Variants in NWD2 observed in about 807,000 individuals in gnomAD.
NWD2 encodes NACHT and WD repeat domain-containing protein 2.
NWD2 carries 37 observed loss-of-function variants against 132.7 expected under a neutral mutation model. That is an observed-to-expected ratio of 0.28 (90% confidence interval 0.21 to 0.37). The LOEUF (loss-of-function observed/expected upper bound fraction) is 0.37, where lower values mean the gene tolerates loss of function less well. NWD2 is among the 10% of genes least tolerant of loss of function. The pLI is 1.00. For synonymous variants in NWD2, 705 were observed against 803.0 expected, an observed-to-expected ratio of 0.88 and a Z score of 2.06; for missense variants, 1,592 against 2,122.4, an observed-to-expected ratio of 0.75 and a Z score of 4.91.
chr4:37,367,467 A>G (rs1169280975), intron 3 of NWD2, among the ~76,000 whole-genome samples: 1 of 152,204 alleles, frequency 6.6e-6, no homozygotes, highest in African/African-American at 2.4e-5. Context: ...AGGATAGAAA[A>G]AAAAGGAGAA....
chr4:37,335,859 C>T (rs1314456205), intron 2 of NWD2, among the ~76,000 whole-genome samples: 1 of 147,968 alleles, frequency 6.8e-6, no homozygotes, highest in Non-Finnish European at 1.5e-5. Flanking sequence ...GTACGTGGCT[C>T]ATACTAGATC....
chr4:37,396,960 G>A (rs1364814256), intron 3 of NWD2, among the ~76,000 whole-genome samples: 1 of 152,094 alleles, frequency 6.6e-6, no homozygotes, highest in African/African-American at 2.4e-5. Context: ...TTGAACCCAG[G>A]AGGCGGAGGT....
At chr4:37,277,545 A>G (rs1718046202) in intron 1 of NWD2, among the ~76,000 whole-genome samples, 1 of 151,910 alleles carries the variant, frequency 6.6e-6, no homozygotes, top group Non-Finnish European at 1.5e-5. Context: ...TTTCTGGGGA[A>G]TTTTTATTTC....
At chr4:37,432,931 C>T (rs1712219766) in intron 4 of NWD2, among the ~76,000 whole-genome samples, 1 of 152,160 alleles carries the variant, frequency 6.6e-6, no homozygotes, top group Non-Finnish European at 1.5e-5. Flanking sequence ...CAACCCTCTG[C>T]CAAAGAGAAT....
At chr4:37,362,538 T>C (rs1317481200) in intron 3 of NWD2, among the ~76,000 whole-genome samples, 1 of 152,182 alleles carries the variant, frequency 6.6e-6, no homozygotes, top group Admixed American at 6.5e-5. Flanking sequence ...CATCTGACCT[T>C]TGACAAAGTT....
chr4:37,278,449 G>A (rs1414835595), intron 1 of NWD2, among the ~76,000 whole-genome samples: 1 of 152,160 alleles, frequency 6.6e-6, no homozygotes, highest in Admixed American at 6.5e-5. Context: ...TGCCAGCCTC[G>A]TGGCTTACCC....
At chr4:37,264,187 G>A (rs542926883) in intron 1 of NWD2, among the ~76,000 whole-genome samples, 40 of 152,264 alleles carry the variant, frequency 2.6e-4, no homozygotes, top group African/African-American at 9.4e-4. Flanking sequence ...GCTGAATTCA[G>A]ATGTAATGGT....
chr4:37,442,718 T>A (rs2109330653), intron 6 of NWD2, among the ~76,000 whole-genome samples: 1 of 152,346 alleles, frequency 6.6e-6, no homozygotes. Flanking sequence ...AAATTATCTC[T>A]AAATCATAAA....
intron 1 of NWD2, among the ~76,000 whole-genome samples, chr4:37,293,982 C>T (rs554914704): frequency 3.3e-5 from 5 of 151,856 alleles, no homozygotes; most frequent in Non-Finnish European, 5.9e-5. Flanking sequence ...ATAATTAAAG[C>T]GTTATAGGTA....
intron 2 of NWD2, among the ~76,000 whole-genome samples, chr4:37,347,799 A>T (rs1362620486): frequency 1.3e-5 from 2 of 152,154 alleles, no homozygotes; most frequent in African/African-American, 4.8e-5. Context: ...CATATTTACC[A>T]TTTTTTATTT....
intron 1 of NWD2, among the ~76,000 whole-genome samples, chr4:37,280,419 A>G (rs1718105504): frequency 6.6e-6 from 1 of 152,118 alleles, no homozygotes; most frequent in Admixed American, 6.6e-5. Context: ...ACACTCATTC[A>G]GACTGGAACC....
At chr4:37,378,683 C>T (rs537376447) in intron 3 of NWD2, among the ~76,000 whole-genome samples, 6 of 152,260 alleles carry the variant, frequency 3.9e-5, no homozygotes, top group Non-Finnish European at 7.3e-5. Flanking sequence ...CATTTGGTGA[C>T]TCTTGTGAAA....
At chr4:37,303,308 A>G (rs1277112059) in intron 1 of NWD2, among the ~76,000 whole-genome samples, 1 of 152,158 alleles carries the variant, frequency 6.6e-6, no homozygotes, top group Non-Finnish European at 1.5e-5. Flanking sequence ...ACATCGGTGT[A>G]TCTCTCTGTT....
At chr4:37,284,266 T>A (rs1354772148) in intron 1 of NWD2, among the ~76,000 whole-genome samples, 1 of 152,170 alleles carries the variant, frequency 6.6e-6, no homozygotes, top group Non-Finnish European at 1.5e-5. Flanking sequence ...AACTCTCTCT[T>A]TTGTAAGGTC....
chr4:37,298,472 CAG>C (rs1376405343), intron 1 of NWD2, among the ~76,000 whole-genome samples: 1 of 152,160 alleles, frequency 6.6e-6, no homozygotes, highest in Non-Finnish European at 1.5e-5. Flanking sequence ...TGATAGCAGT[CAG>C]AGACTTCTTT....
chr4:37,289,417 C>T (rs1338016977), intron 1 of NWD2, among the ~76,000 whole-genome samples: 2 of 152,148 alleles, frequency 1.3e-5, no homozygotes, highest in Non-Finnish European at 2.9e-5. Flanking sequence ...TTCAAAATTA[C>T]AGGAAAGTTG....
Position 37,445,812 on chromosome 4 carries a change from G to A in NWD2, c.3824G>A (p.Gly1275Asp). Residue 1275 changes from glycine to aspartate, a missense_variant, in exon 7 of 7, where the codon GGT (glycine) becomes GAT (aspartate). Coordinates refer to ENST00000309447, the MANE Select transcript of NWD2 (RefSeq NM_001144990.2). The surrounding 1 kb of genome is among the most constrained non-coding windows in gnomAD (Gnocchi z 4.7). ...QCMASLQEIS[G>D]SIVKLVKSSH... ...ATGGCAAGCTTGCAGGAAATCTCAG[G>A]TTCCATTGTTAAGTTAGTGAAATCC... 1 of 1,551,982 alleles carries A rather than the reference G, an allele frequency of 6.4e-7. No individual in the cohort carries two copies. Among genetic ancestry groups the A allele is most frequent in the East Asian group, 2.4e-5 (1 of 40,922 alleles).
Position 37,415,107 on chromosome 4 carries a change from G to T in NWD2, c.358-15465G>T, listed in dbSNP as rs182663813. On this transcript the variant is annotated intron_variant, in intron 3 of 6. Coordinates refer to ENST00000309447, the MANE Select transcript of NWD2 (RefSeq NM_001144990.2). Reference sequence around the variant, plus strand: ...GCAATTTAGGCATTTGTTTTCTATTGAAATTTGTTTTAAAGAGTTTTTAAG... The same window carrying T: ...GCAATTTAGGCATTTGTTTTCTATTTAAATTTGTTTTAAAGAGTTTTTAAG... Among the ~76,000 whole-genome samples, 13 of 152,286 alleles carry T rather than the reference G, an allele frequency of 8.5e-5. No homozygotes were observed. The East Asian group carries it at 2.5e-3, about 29-fold the overall frequency.
intron 3 of NWD2, among the ~76,000 whole-genome samples, chr4:37,375,613 G>A (rs1014032997): frequency 1.4e-4 from 20 of 147,882 alleles, no homozygotes; most frequent in South Asian, 4.3e-4. Flanking sequence ...CTGTCACCCA[G>A]GCTGGAGTGC....
Sources: allele counts gnomAD v4.1 joint callset (sites outside exome capture counted in the v4.1 genomes callset), GRCh38; gene constraint gnomAD v4.1.1; non-coding constraint Gnocchi (gnomAD v3.1); transcripts MANE v1.5; gene names NCBI Gene and HGNC (gene_info 2026-07-23, HGNC 2026-07-21).